Variants in CDH9 observed in about 807,000 individuals in gnomAD.
CDH9 encodes the protein cadherin 9.
CDH9 carries 28 observed loss-of-function variants against 70.9 expected under a neutral mutation model. The observed-to-expected ratio is 0.40, with a 90% CI of 0.29 to 0.54. CDH9 has a LOEUF of 0.54. Ranked by LOEUF, CDH9 falls within the 20% of genes least tolerant of loss-of-function variation. The pLI is 0.59. For synonymous variants in CDH9, 409 were observed against 343.1 expected (o/e 1.19, Z -2.12); for missense variants, 874 against 984.4 (o/e 0.89, Z 1.50).
At chr5:26,992,974 T>C (rs1202071640) in intron 1 of CDH9, among the ~76,000 whole-genome samples, 1 of 152,118 alleles carries the variant, frequency 6.6e-6, no homozygotes, top group East Asian at 1.9e-4. Context: ...CGCATGCCTG[T>C]AATCCCAGCT....
At chr5:27,007,685 A>G (rs1306010462) in intron 1 of CDH9, among the ~76,000 whole-genome samples, 1 of 152,144 alleles carries the variant, frequency 6.6e-6, no homozygotes, top group African/African-American at 2.4e-5. Context: ...TTATGGTAAA[A>G]TAATATTTGT....
At chr5:26,896,846 C>T (rs115017135) in intron 7 of CDH9, among the ~76,000 whole-genome samples, 1 of 151,244 alleles carries the variant, frequency 6.6e-6, no homozygotes, top group African/African-American at 2.4e-5. Flanking sequence ...GATAGAGACA[C>T]AAAAAAACCC....
intron 6 of CDH9, 40 bp downstream of exon 6, chr5:26,903,597 T>A (rs1740895038): frequency 7.6e-7 from 1 of 1,322,826 alleles, no homozygotes; most frequent in East Asian, 2.3e-5. Context: ...ACGTAAATTA[T>A]AAAGCACTCA....
intron 2 of CDH9, among the ~76,000 whole-genome samples, chr5:26,919,447 G>C (rs977400173): frequency 3.3e-5 from 5 of 152,162 alleles, no homozygotes; most frequent in Admixed American, 2.0e-4. Flanking sequence ...GCTACCATGG[G>C]CTAAAGGGTT....
chr5:26,881,866 C>T (rs1442901204), intron 11 of CDH9, among the ~76,000 whole-genome samples: 20 of 152,052 alleles, frequency 1.3e-4, no homozygotes, highest in Non-Finnish European at 2.9e-5. Context: ...GAACTTCTGG[C>T]TTTATTCAAG....
At chr5:26,925,450 C>T (rs1741320681) in intron 2 of CDH9, among the ~76,000 whole-genome samples, 1 of 151,940 alleles carries the variant, frequency 6.6e-6, no homozygotes, top group South Asian at 2.1e-4. Flanking sequence ...TAGATATCAG[C>T]CCTTTGTCAG....
At chr5:26,977,698 C>T (rs1284838659) in intron 2 of CDH9, among the ~76,000 whole-genome samples, 1 of 151,786 alleles carries the variant, frequency 6.6e-6, no homozygotes, top group Non-Finnish European at 1.5e-5. Flanking sequence ...GGAGAAAGAT[C>T]CAGGAATGGA....
chr5:26,950,477 C>T (rs966230569), intron 2 of CDH9, among the ~76,000 whole-genome samples: 3 of 152,104 alleles, frequency 2.0e-5, no homozygotes, highest in Admixed American at 6.6e-5. Context: ...TCACCACTTG[C>T]TAAAATGCCT....
At position 26,880,649 on chromosome 5, in the gene CDH9, C is replaced by T. The variant is rs1194712954; in HGVS notation, c.*487G>A. 2.0e-5 allele frequency: 3 copies of T among 152,232 alleles called. No individual in the cohort carries two copies. The highest frequency in any genetic ancestry group is 4.4e-5 in the Non-Finnish European group (3 of 67,928). 9.4% of individuals were successfully genotyped at this position (152,232 alleles called of 1,614,324 possible). On this transcript the variant is annotated 3_prime_UTR_variant, in exon 12 of 12. Coordinates refer to ENST00000231021, the MANE Select transcript of CDH9 (RefSeq NM_016279.4). Reference sequence around the variant, plus strand: ...ATAAAAATACAAAAATATAAATATACATTTATAAAAATATGAATGAATTAA... The same window carrying T: ...ATAAAAATACAAAAATATAAATATATATTTATAAAAATATGAATGAATTAA...
At chr5:26,978,803 T>A (rs967178635) in intron 2 of CDH9, among the ~76,000 whole-genome samples, 4 of 151,868 alleles carry the variant, frequency 2.6e-5, no homozygotes, top group African/African-American at 9.7e-5. Flanking sequence ...CGCTAACTTT[T>A]GATTAAAAGT....
rs184095955 is a variant in CDH9, at chr5:26,908,487, C to A, written c.524-1649G>T. ...CTGAAAATACAAGTAGTTCGTTCAT[C>A]AATTTTAGGACATTTCTTGAGTTAC... is the stretch of plus-strand genomic sequence containing the variant. On this transcript the variant is annotated intron_variant, in intron 3 of 11. Transcript: ENST00000231021. 3.9e-3 allele frequency among the ~76,000 whole-genome samples: 597 copies of A among 152,170 alleles called. 7 individuals are homozygous for A. The highest frequency in any genetic ancestry group is 0.014 in the African/African-American group (573 of 41,530).
chr5:26,906,943 T>G (rs1431950266), intron 3 of CDH9, 105 bp from the exon 4 acceptor site: 2 of 1,337,766 alleles, frequency 1.5e-6, no homozygotes, highest in Non-Finnish European at 1.9e-6. Flanking sequence ...TTAGACGATG[T>G]TGTATGTTTG....
chr5:26,995,809 G>A (rs1327109738), intron 1 of CDH9, among the ~76,000 whole-genome samples: 4 of 151,904 alleles, frequency 2.6e-5, no homozygotes, highest in Non-Finnish European at 5.9e-5. Flanking sequence ...CATTTTTGTT[G>A]ATAAATAAAT....
intron 2 of CDH9, among the ~76,000 whole-genome samples, chr5:26,964,119 T>C (rs1291857708): frequency 9.0e-6 from 1 of 111,136 alleles, no homozygotes; most frequent in Non-Finnish European, 2.1e-5. Context: ...TTATACTTTA[T>C]TGTTTTGTTC....
chr5:27,004,132 A>C (rs1295945081), intron 1 of CDH9, among the ~76,000 whole-genome samples: 2 of 137,544 alleles, frequency 1.5e-5, no homozygotes, highest in African/African-American at 5.4e-5. Flanking sequence ...AAAAAAAAAG[A>C]GGGCCTCTCT....
chr5:26,967,442 C>T (rs918688147), intron 2 of CDH9, among the ~76,000 whole-genome samples: 1 of 152,104 alleles, frequency 6.6e-6, no homozygotes, highest in Non-Finnish European at 1.5e-5. Flanking sequence ...AAAATTATAT[C>T]AATCCAAATT....
chr5:27,022,000 C>T (rs1402280476), intron 1 of CDH9, among the ~76,000 whole-genome samples: 1 of 151,954 alleles, frequency 6.6e-6, no homozygotes, highest in East Asian at 1.9e-4. Flanking sequence ...CCAGACATTA[C>T]ATTGAAACAG....
rs375413328 is a variant in CDH9, at chr5:26,900,732, G to A, written c.1253+1744C>T. ...ATCAATTACTTCTAAAATGAATGTA[G>A]GATTTCTAGCATAAAAATATGGTGC... On this transcript the variant is annotated intron_variant, in intron 7 of 11. Coordinates refer to ENST00000231021, the MANE Select transcript of CDH9 (RefSeq NM_016279.4). Among the ~76,000 whole-genome samples, 12 of 152,062 alleles carry A rather than the reference G, an allele frequency of 7.9e-5. 1 individual carries two copies. The East Asian group carries it at 1.5e-3, about 20-fold the overall frequency.
chr5:26,936,338 C>T (rs1257758262), intron 2 of CDH9, among the ~76,000 whole-genome samples: 1 of 151,636 alleles, frequency 6.6e-6, no homozygotes, highest in Non-Finnish European at 1.5e-5. Flanking sequence ...TACATTAATG[C>T]CAAAAAAGTA....
Sources: allele counts gnomAD v4.1 joint callset (sites outside exome capture counted in the v4.1 genomes callset), GRCh38; gene constraint gnomAD v4.1.1; transcripts MANE v1.5; gene names NCBI Gene and HGNC (gene_info 2026-07-23, HGNC 2026-07-21).